Variants in DOCK9 observed in about 807,000 individuals in gnomAD.
DOCK9 encodes dedicator of cytokinesis 9.
DOCK9 carries 89 observed loss-of-function variants against 263.3 expected under a neutral mutation model. That is an observed-to-expected ratio of 0.34 (90% confidence interval 0.28 to 0.40). The LOEUF is 0.40. Among genes scored for constraint, DOCK9 ranks in the 10% least tolerant of loss-of-function variants. The pLI, the probability that DOCK9 is intolerant of heterozygous loss-of-function variation, is 1.00. For missense variants in DOCK9, 2,140 were observed against 2,603.4 expected (o/e 0.82, Z 3.87); for synonymous variants, 976 against 973.1 (o/e 1.00, Z -0.06).
At position 98,855,802 on chromosome 13, in the gene DOCK9, G is replaced by A. The variant is rs1262827613; in HGVS notation, c.3831+96C>T. Reference sequence around the variant, plus strand: ...CCGGGTGGTTTAGAAAAAAACAAAAGGTCACACTTAAAAGGCACTAGAACA... The same window carrying A: ...CCGGGTGGTTTAGAAAAAAACAAAAAGTCACACTTAAAAGGCACTAGAACA... On this transcript the variant is annotated intron_variant, in intron 34 of 52. Coordinates refer to ENST00000682017, the MANE Select transcript of DOCK9 (RefSeq NM_001366683.2). 4.8e-6 allele frequency: 7 copies of A among 1,472,518 alleles called. No individual in the cohort carries two copies. In the East Asian group the frequency reaches 1.4e-4, roughly 29 times the overall value. The allele number at this position is 1,472,518 out of a possible 1,614,324, so 91.2% of individuals were successfully genotyped here.
intron 38 of DOCK9, among the ~76,000 whole-genome samples, chr13:98,838,404 T>C (rs1375809744): frequency 3.9e-5 from 6 of 152,254 alleles, no homozygotes; most frequent in African/African-American, 1.4e-4. Flanking sequence ...GGAGCTATGT[T>C]ATCAGCAAGC....
chr13:98,908,481 T>C (rs1342029274), intron 9 of DOCK9, among the ~76,000 whole-genome samples: 1 of 152,174 alleles, frequency 6.6e-6, no homozygotes, highest in Non-Finnish European at 1.5e-5. Context: ...TGTTCATTAA[T>C]AGGGAGATGG....
At chr13:99,078,587 G>C (rs1277586089) in intron 1 of DOCK9, among the ~76,000 whole-genome samples, 1 of 152,178 alleles carries the variant, frequency 6.6e-6, no homozygotes, top group African/African-American at 2.4e-5. Context: ...GGTCAGTAGA[G>C]CCAAGAAGCC....
chr13:98,981,059 T>G (rs939980517), upstream of DOCK9, among the ~76,000 whole-genome samples: 2 of 151,802 alleles, frequency 1.3e-5, no homozygotes, highest in Non-Finnish European at 2.9e-5. Flanking sequence ...AATTTGTTTT[T>G]TGTTTTTTTT....
At chr13:99,058,522 A>C (rs2041033102) in intron 1 of DOCK9, among the ~76,000 whole-genome samples, 3 of 152,160 alleles carry the variant, frequency 2.0e-5, no homozygotes, top group African/African-American at 7.2e-5. Context: ...GTGAAGAACC[A>C]GATGAGACAT....
At chr13:98,939,183 A>G (rs1362377192) in intron 2 of DOCK9, among the ~76,000 whole-genome samples, 1 of 152,248 alleles carries the variant, frequency 6.6e-6, no homozygotes, top group South Asian at 2.1e-4. Context: ...GCTTCTCTTC[A>G]GGAGGAAACT....
At chr13:98,967,460 G>A (rs1487447012) in intron 1 of DOCK9, among the ~76,000 whole-genome samples, 1 of 152,220 alleles carries the variant, frequency 6.6e-6, no homozygotes, top group Admixed American at 6.5e-5. Context: ...TAGAGAATTA[G>A]ATGGTTTACT....
intron 38 of DOCK9, among the ~76,000 whole-genome samples, chr13:98,843,424 T>C (rs183177549): frequency 6.6e-6 from 1 of 152,312 alleles, no homozygotes; most frequent in East Asian, 1.9e-4. Context: ...CTCTGTGTTT[T>C]TTGTCTGAGT....
At chr13:98,936,237 A>G (rs569119030) in intron 2 of DOCK9, among the ~76,000 whole-genome samples, 1 of 152,048 alleles carries the variant, frequency 6.6e-6, no homozygotes, top group South Asian at 2.1e-4. Context: ...TGACTCCATT[A>G]TCCAAAACTC....
intron 1 of DOCK9, among the ~76,000 whole-genome samples, chr13:99,025,003 A>T (rs1187260536): frequency 6.6e-6 from 1 of 152,220 alleles, no homozygotes. Flanking sequence ...TTCTTTTCAC[A>T]AAGACACAAA....
intron 32 of DOCK9, 64 bp from the exon 33 acceptor site, chr13:98,860,586 G>A (rs1378329597): frequency 1.6e-5 from 24 of 1,456,928 alleles, no homozygotes; most frequent in Non-Finnish European, 2.1e-5. Flanking sequence ...CCCTGTTCTT[G>A]GAAGTGCCAG....
intron 45 of DOCK9, among the ~76,000 whole-genome samples, chr13:98,812,497 A>G (rs2091409335): frequency 1.3e-5 from 2 of 152,022 alleles, no homozygotes; most frequent in Admixed American, 1.3e-4. Flanking sequence ...AGTTTTTATT[A>G]ACATCCGTCT....
At chr13:98,885,916 C>T (rs1025972474) in intron 19 of DOCK9, 85 bp from the exon 20 acceptor site, 10 of 1,315,030 alleles carry the variant, frequency 7.6e-6, no homozygotes, top group African/African-American at 7.5e-5. Context: ...TGTTACCCAA[C>T]GCATAAACGT....
At chr13:98,831,296 A>G (rs1389557518) in intron 41 of DOCK9, 52 bp downstream of exon 41, 2 of 1,518,542 alleles carry the variant, frequency 1.3e-6, no homozygotes, top group African/African-American at 2.8e-5. Flanking sequence ...TTTTCCTGAT[A>G]CAGCAGGATT....
At chr13:99,035,181 T>C (rs1052962561) in intron 1 of DOCK9, among the ~76,000 whole-genome samples, 1 of 152,212 alleles carries the variant, frequency 6.6e-6, no homozygotes, top group Admixed American at 6.5e-5. Flanking sequence ...TTATGAAACT[T>C]AAGTTGTGTC....
chr13:98,897,121 C>T (rs1421099391), intron 15 of DOCK9, among the ~76,000 whole-genome samples: 7 of 151,460 alleles, frequency 4.6e-5, no homozygotes, highest in African/African-American at 1.2e-4. Flanking sequence ...ACCCAGTCAT[C>T]GTATCTCTTT....
intron 1 of DOCK9, among the ~76,000 whole-genome samples, chr13:99,002,214 G>A (rs1317317781): frequency 6.6e-6 from 1 of 152,158 alleles, no homozygotes; most frequent in African/African-American, 2.4e-5. Flanking sequence ...GGGGATCAGA[G>A]CTTTCACTCC....
intron 15 of DOCK9, among the ~76,000 whole-genome samples, chr13:98,890,161 T>TA (rs2046397629): frequency 6.6e-6 from 1 of 152,232 alleles, no homozygotes; most frequent in South Asian, 2.1e-4. Context: ...ATATTCCTAA[T>TA]AGCTTTATGT....
chr13:99,011,851 T>A (rs969000249), intron 1 of DOCK9, among the ~76,000 whole-genome samples: 3 of 152,236 alleles, frequency 2.0e-5, no homozygotes, highest in African/African-American at 7.2e-5. Context: ...AGACATGGTC[T>A]CCTTCTGTCA....
Sources: gnomAD v4.1 joint callset for allele counts (sites outside exome capture counted in the v4.1 genomes callset) on GRCh38, gnomAD v4.1.1 for gene constraint, MANE v1.5 for transcripts, NCBI Gene and HGNC (gene_info 2026-07-23, HGNC 2026-07-21) for gene names.